UBLCP1: variants seen among roughly 807,000 people sequenced by gnomAD.
UBLCP1 encodes ubiquitin like domain containing CTD phosphatase 1, also known as ubiquitin-like domain-containing CTD phosphatase 1.
UBLCP1 carries 28 observed loss-of-function variants against 42.4 expected under a neutral mutation model. The ratio of observed to expected loss-of-function variants is 0.66; its 90% CI spans 0.49 to 0.90. The LOEUF is 0.90. Ranked by LOEUF, UBLCP1 falls within the 40% of genes least tolerant of loss-of-function variation. The pLI is 0.00. For synonymous variants in UBLCP1, 122 were observed against 120.8 expected (o/e 1.01, Z -0.07); for missense variants, 279 against 374.5 (o/e 0.75, Z 2.10).
At chr5:159,269,585 A>G (rs1051807440) in intron 2 of UBLCP1, among the ~76,000 whole-genome samples, 6 of 152,204 alleles carry the variant, frequency 3.9e-5, no homozygotes, top group African/African-American at 1.2e-4. Flanking sequence ...TAGGCACTCA[A>G]TTTTTAAGGC....
At chr5:159,284,793 C>A in intron 10 of UBLCP1, 111 bp from the exon 11 acceptor site, 2 of 1,055,024 alleles carry the variant, frequency 1.9e-6, no homozygotes, top group Non-Finnish European at 2.9e-6. Flanking sequence ...ATTAAGAATA[C>A]TCATCTTGAA....
At chr5:159,270,856 G>A (rs1228017968) in intron 5 of UBLCP1, among the ~76,000 whole-genome samples, 1 of 123,254 alleles carries the variant, frequency 8.1e-6, no homozygotes, top group Non-Finnish European at 1.8e-5. Context: ...ACCACTCTTA[G>A]TAATTTGATA....
At chr5:159,272,698 C>G (rs1239649443) in intron 6 of UBLCP1, among the ~76,000 whole-genome samples, 1 of 152,144 alleles carries the variant, frequency 6.6e-6, no homozygotes, top group African/African-American at 2.4e-5. Flanking sequence ...ATAAAGGCAA[C>G]TTGAATTACT....
Position 159,283,232 on chromosome 5 carries a change from G to T in UBLCP1, c.822G>T (p.Ala274=). 1 of 1,604,332 alleles carries T rather than the reference G, an allele frequency of 6.2e-7. No homozygotes were observed. The highest frequency in any genetic ancestry group is 8.5e-7 in the Non-Finnish European group (1 of 1,176,422). The stretch of plus-strand genomic sequence containing the variant: ...AATAGATAAGGCCTTTTATGAAAGC[G>T]CACCTAAATCGTGATAAAGACAAAG... The part of the protein sequence containing the change: ...NGLKIRPFMK[A]HLNRDKDKEL... Residue 274 remains alanine (A), a synonymous_variant, in exon 10 of 11, where the codon GCG becomes GCT. Transcript: ENST00000296786.
intron 9 of UBLCP1, among the ~76,000 whole-genome samples, chr5:159,280,244 CTT>C (rs1753592338): frequency 6.6e-6 from 1 of 152,168 alleles, no homozygotes; most frequent in Non-Finnish European, 1.5e-5. Context: ...ATGAAAACCT[CTT>C]TTAAGGTTAA....
chr5:159,279,159 T>C (rs1753574830), intron 9 of UBLCP1, among the ~76,000 whole-genome samples: 1 of 152,218 alleles, frequency 6.6e-6, no homozygotes, highest in South Asian at 2.1e-4. Flanking sequence ...TTCTTAACTT[T>C]GGAAACAGTC....
At chr5:159,266,686 G>A (rs1466743261) in intron 1 of UBLCP1, among the ~76,000 whole-genome samples, 8 of 152,290 alleles carry the variant, frequency 5.3e-5, no homozygotes, top group South Asian at 2.1e-4. Flanking sequence ...AAAAGGTTTC[G>A]TGGGCCCGGC....
chr5:159,279,824 ATTGT>A, intron 9 of UBLCP1, among the ~76,000 whole-genome samples: 1 of 152,298 alleles, frequency 6.6e-6, no homozygotes, highest in East Asian at 1.9e-4. Context: ...TGTAAACCTA[ATTGT>A]TTGTGAAACG....
chr5:159,271,372 G>T (rs1753464712), intron 5 of UBLCP1, among the ~76,000 whole-genome samples: 1 of 151,920 alleles, frequency 6.6e-6, no homozygotes. Context: ...GAGGTGGGAG[G>T]ATCACTTGAG....
At chr5:159,279,240 A>T (rs1159136788) in intron 9 of UBLCP1, among the ~76,000 whole-genome samples, 2 of 152,126 alleles carry the variant, frequency 1.3e-5, no homozygotes, top group Non-Finnish European at 2.9e-5. Flanking sequence ...TTTGGGTTAG[A>T]CTCTAGTGAC....
Position 159,270,619 on chromosome 5 carries a change from C to T in UBLCP1, c.424C>T (p.Leu142=), listed in dbSNP as rs1251770372. The change falls in exon 5 of 11, where the codon CTA becomes TTA. Residue 142 remains leucine, a synonymous_variant. Coordinates refer to ENST00000296786, the MANE Select transcript of UBLCP1 (RefSeq NM_145049.5). ...PPREGKKLLV[L]DVDYTLFDHR... The stretch of plus-strand genomic sequence containing the variant: ...CAGGGAAGGGAAAAAGCTTTTGGTG[C>T]TAGATGTTGATTATACATTATTTGG... The T allele has an allele frequency of 6.2e-7, 1 of 1,606,502 alleles. No individual in the cohort carries two copies.
intron 9 of UBLCP1, among the ~76,000 whole-genome samples, chr5:159,279,411 A>G (rs1301484660): frequency 6.6e-6 from 1 of 152,222 alleles, no homozygotes; most frequent in Non-Finnish European, 1.5e-5. Context: ...GAAAATGGAA[A>G]AGATAGCTCT....
chr5:159,278,501 A>G, intron 9 of UBLCP1, 147 bp downstream of exon 9: 1 of 683,026 alleles, frequency 1.5e-6, no homozygotes, highest in Non-Finnish European at 2.6e-6. Flanking sequence ...TAATTCATAT[A>G]GAAATTGAAC....
At chr5:159,283,906 G>T (rs1187933149) in intron 10 of UBLCP1, among the ~76,000 whole-genome samples, 2 of 151,962 alleles carry the variant, frequency 1.3e-5, no homozygotes, top group African/African-American at 4.8e-5. Flanking sequence ...AATCTATATA[G>T]ACGTTGCCTA....
Position 159,285,719 on chromosome 5 carries a change from A to T in UBLCP1, c.*788A>T, listed in dbSNP as rs1404344616. The T allele has an allele frequency of 6.6e-6, 1 of 152,478 alleles. No individual in the cohort carries two copies. Among genetic ancestry groups the T allele is most frequent in the Non-Finnish European group, 1.5e-5 (1 of 68,044 alleles). 9.4% of individuals were successfully genotyped at this position (152,478 alleles called of 1,614,324 possible). ...CATTGTCATAAAAGCAGTTAAAGGC[A>T]ATAAATTTTTAAAAGGGACATATCA... On this transcript the variant is annotated 3_prime_UTR_variant, in exon 11 of 11. Transcript: ENST00000296786.
At chr5:159,274,819 A>G (rs576649536) in intron 7 of UBLCP1, among the ~76,000 whole-genome samples, 197 bp downstream of exon 7, 2 of 152,326 alleles carry the variant, frequency 1.3e-5, no homozygotes, top group Non-Finnish European at 2.9e-5. Context: ...TTTTTAAGAA[A>G]AAGTATAACT....
At chr5:159,275,737 G>A (rs1753528334) in intron 8 of UBLCP1, among the ~76,000 whole-genome samples, 1 of 152,132 alleles carries the variant, frequency 6.6e-6, no homozygotes, top group Admixed American at 6.5e-5. Context: ...GAATTTTAAT[G>A]ATAAAATTAG....
chr5:159,273,790 A>T lies in UBLCP1; in HGVS notation c.548-795A>T, dbSNP rs988782233. On this transcript the variant is annotated intron_variant, in intron 6 of 10. Transcript: ENST00000296786. Reference sequence around the variant, plus strand: ...TTTTTTGTATGTGTGCATGCTGAAGATTTTTTATTTTGAGAACTCAGGTTC... The same window carrying T: ...TTTTTTGTATGTGTGCATGCTGAAGTTTTTTTATTTTGAGAACTCAGGTTC... 2.0e-5 allele frequency among the ~76,000 whole-genome samples: 3 copies of T among 151,274 alleles called. No homozygotes were observed. The Admixed American group carries it at 2.0e-4, about 10-fold the overall frequency.
chr5:159,268,836 A>G (rs1207979831), intron 1 of UBLCP1, 34 bp from the exon 2 acceptor site: 5 of 1,496,486 alleles, frequency 3.3e-6, no homozygotes, highest in Non-Finnish European at 4.6e-6. Context: ...AACAGTATCT[A>G]TTTTAACTTG....
Sources: gnomAD v4.1 joint callset for allele counts (sites outside exome capture counted in the v4.1 genomes callset) on GRCh38, gnomAD v4.1.1 for gene constraint, MANE v1.5 for transcripts, NCBI Gene and HGNC (gene_info 2026-07-23, HGNC 2026-07-21) for gene names.